The following JAKMIP3 variants were observed in gnomAD, a reference collection of about 807,000 sequenced individuals.
The protein encoded by JAKMIP3 is janus kinase and microtubule-interacting protein 3.
In JAKMIP3, 58 loss-of-function variants were observed where a neutral mutation model predicts 118.5. The ratio of observed to expected loss-of-function variants is 0.49; its 90% CI spans 0.40 to 0.61. The LOEUF is 0.61. JAKMIP3 is among the 20% of genes least tolerant of loss of function. The probability of loss-of-function intolerance (pLI) is 0.00; values close to 1 mark genes in which losing one functional copy is unlikely to be tolerated. For synonymous variants in JAKMIP3, 486 were observed against 451.2 expected, an observed-to-expected ratio of 1.08 and a Z score of -0.98; for missense variants, 950 against 1,109.0, an observed-to-expected ratio of 0.86 and a Z score of 2.04.
Position 132,179,425 on chromosome 10 carries a change from C to T in JAKMIP3, c.*1104-2932C>T, listed in dbSNP as rs2060488650. On this transcript the variant is annotated intron_variant, in intron 23 of 23. Transcript: ENST00000684848. This position sits in a 1 kb window ranked among gnomAD's most constrained non-coding sequence, Gnocchi z 4.3. ...CCACCTGAGCAGCACTTTCCTGCCC[C>T]CTCCCTGAGAACTGGGAGCTCTTGG... Among the ~76,000 whole-genome samples the T allele has an allele frequency of 6.6e-6, 1 of 152,152 alleles. No homozygotes were observed. Among genetic ancestry groups the T allele is most frequent in the African/African-American group, 2.4e-5 (1 of 41,418 alleles).
chr10:132,093,352 T>C (rs2043349483), intron 1 of JAKMIP3, among the ~76,000 whole-genome samples: 1 of 152,212 alleles, frequency 6.6e-6, no homozygotes, highest in African/African-American at 2.4e-5. Context: ...GGCTGTGCCC[T>C]ACCCCCAGAG....
intron 1 of JAKMIP3, among the ~76,000 whole-genome samples, chr10:132,039,429 TCA>T (rs1331095052): frequency 1.5e-5 from 2 of 136,326 alleles, no homozygotes; most frequent in East Asian, 2.3e-4. Flanking sequence ...CAGAACAGTC[TCA>T]GTCAGGCCAC....
At chr10:132,170,448 C>T (rs566309403) in intron 23 of JAKMIP3, among the ~76,000 whole-genome samples, 1 of 152,304 alleles carries the variant, frequency 6.6e-6, no homozygotes, top group East Asian at 1.9e-4. Flanking sequence ...CCATCCAGGC[C>T]ATGCTAAGCC....
Position 132,140,565 on chromosome 10 carries a change from G to A in JAKMIP3, c.1459G>A (p.Asp487Asn), listed in dbSNP as rs374337157. The A allele has an allele frequency of 1.3e-5, 21 of 1,594,332 alleles. No individual in the cohort carries two copies. Among genetic ancestry groups the A allele is most frequent in the East Asian group, 1.2e-4 (5 of 42,510 alleles). ...RTDQTPCTPD[D>N]DLEEGMAKEE... ...GGACCAGACCCCGTGCACCCCGGAC[G>A]ATGACTTGGAGGAGGTAACGAGGGT... The change falls in exon 10 of 24, where the codon GAT (aspartate) becomes AAT (asparagine). Residue 487 changes from aspartate (D) to asparagine (N), a missense_variant. Asp to Asn is a conservative substitution (Grantham distance 23). Coordinates refer to ENST00000684848, the MANE Select transcript of JAKMIP3 (RefSeq NM_001323087.2).
chr10:132,095,420 T>C (rs1489829188), intron 1 of JAKMIP3, among the ~76,000 whole-genome samples: 1 of 152,172 alleles, frequency 6.6e-6, no homozygotes, highest in Admixed American at 6.5e-5. Context: ...TCCGCCCCTG[T>C]ATTTCGCTCG....
upstream of JAKMIP3, among the ~76,000 whole-genome samples, chr10:132,060,323 T>C (rs553515710): frequency 1.8e-4 from 28 of 152,126 alleles, no homozygotes; most frequent in Non-Finnish European, 4.1e-4. Flanking sequence ...CAGGTTCTGG[T>C]GGGCGGGGCA....
rs182050316 is a variant in JAKMIP3 at position 132,143,029 on chromosome 10, G to A, written c.1602+981G>A. On this transcript the variant is annotated intron_variant, in intron 11 of 23. Coordinates refer to ENST00000684848, the MANE Select transcript of JAKMIP3 (RefSeq NM_001323087.2). ...GCCTCATCCTCTGTCCACCCAGACC[G>A]CCCTGGTGACGTGGCTGGTTTCCCT... 1.6e-3 allele frequency among the ~76,000 whole-genome samples: 246 copies of A among 152,216 alleles called. 2 individuals are homozygous for A. The highest frequency in any genetic ancestry group is 3.7e-3 in the Admixed American group (57 of 15,306).
intron 1 of JAKMIP3, among the ~76,000 whole-genome samples, chr10:132,071,124 G>A (rs2039765656): frequency 6.7e-6 from 1 of 150,100 alleles, no homozygotes; most frequent in Admixed American, 6.6e-5. Context: ...TTATAACTTC[G>A]TTATGATTTC....
At chr10:132,047,638 C>G (rs9419322) in intron 1 of JAKMIP3, among the ~76,000 whole-genome samples, 69,355 of 150,744 alleles carry the variant, frequency 0.46, 17,098 homozygotes, top group East Asian at 0.97. Context: ...CCCACCCCCC[C>G]CTGCGAGTTG....
At chr10:132,165,225 G>C (rs1049206165) in intron 21 of JAKMIP3, among the ~76,000 whole-genome samples, 1 of 152,198 alleles carries the variant, frequency 6.6e-6, no homozygotes, top group Admixed American at 6.5e-5. Context: ...GCTCTTTCTC[G>C]GGGTCCCAGC....
At chr10:132,047,508 A>G (rs2037952328) in intron 1 of JAKMIP3, among the ~76,000 whole-genome samples, 1 of 152,202 alleles carries the variant, frequency 6.6e-6, no homozygotes, top group African/African-American at 2.4e-5. Context: ...AGCATCTCGT[A>G]CAGCCACAGT....
intron 22 of JAKMIP3, 61 bp from the exon 23 acceptor site, chr10:132,167,864 GCCCTCGCCCCTCGCCCCTCGGCCCTCGC>G (rs2059105965): frequency 1.2e-6 from 1 of 847,244 alleles, no homozygotes. Context: ...TCACCCCTCG[GCCCTCGCCCCTCGCCCCTCGGCCCTCGC>G]CCCTCACTCC....
At chr10:132,109,073 T>TATAC (rs2046402620) in intron 2 of JAKMIP3, among the ~76,000 whole-genome samples, 1 of 140,952 alleles carries the variant, frequency 7.1e-6, no homozygotes, top group African/African-American at 2.7e-5. Context: ...TATACACACA[T>TATAC]ACACATATAT....
At chr10:132,115,660 C>T (rs1589848243) in intron 2 of JAKMIP3, among the ~76,000 whole-genome samples, 1 of 152,144 alleles carries the variant, frequency 6.6e-6, no homozygotes. Context: ...CCAAAGAGGA[C>T]CCCAAATTCT....
At chr10:132,150,394 A>T (rs2055870268) in intron 16 of JAKMIP3, among the ~76,000 whole-genome samples, 1 of 152,186 alleles carries the variant, frequency 6.6e-6, no homozygotes, top group South Asian at 2.1e-4. Context: ...CTTGGGGGAA[A>T]AGCAGACTCT....
intron 1 of JAKMIP3, among the ~76,000 whole-genome samples, chr10:132,051,234 G>A (rs966996651): frequency 6.5e-4 from 95 of 145,466 alleles, no homozygotes; most frequent in Admixed American, 1.1e-3. Flanking sequence ...AATTCCAGCC[G>A]TTCTGGTTGG....
chr10:132,104,760 A>T lies in JAKMIP3; in HGVS notation c.-49A>T, dbSNP rs1302140318. On this transcript the variant is annotated 5_prime_UTR_variant, in exon 2 of 24. Coordinates refer to ENST00000684848, the MANE Select transcript of JAKMIP3 (RefSeq NM_001323087.2). ...ACCCCAGCCACCCCCAGCCCAGCCC[A>T]GCCGGAGCACCCTACCCCTGGGCAT... 1 of 1,537,086 alleles carries T rather than the reference A, an allele frequency of 6.5e-7. No individual in the cohort carries two copies. Among genetic ancestry groups the T allele is most frequent in the South Asian group, 1.2e-5 (1 of 83,292 alleles).
At chr10:132,105,524 T>G (rs1279553814) in intron 2 of JAKMIP3, among the ~76,000 whole-genome samples, 1 of 120,506 alleles carries the variant, frequency 8.3e-6, no homozygotes. Context: ...TGTGCTGAGC[T>G]GTGCTGGCAG....
chr10:132,140,186 G>A (rs773645726), intron 9 of JAKMIP3, among the ~76,000 whole-genome samples: 14 of 152,224 alleles, frequency 9.2e-5, no homozygotes, highest in Non-Finnish European at 1.6e-4. Context: ...GCCCCACGAA[G>A]GGCCTCATTC....
Sources: gnomAD v4.1 joint callset for allele counts (sites outside exome capture counted in the v4.1 genomes callset) on GRCh38, gnomAD v4.1.1 for gene constraint, Gnocchi (gnomAD v3.1) non-coding constraint, MANE v1.5 for transcripts, NCBI Gene and HGNC (gene_info 2026-07-23, HGNC 2026-07-21) for gene names.